The following CLSTN2 variants were observed in gnomAD, a reference collection of about 807,000 sequenced individuals.
CLSTN2 encodes the protein calsyntenin-2.
CLSTN2 carries 48 observed loss-of-function variants against 101.2 expected under a neutral mutation model. The observed-to-expected ratio is 0.47, with a 90% confidence interval of 0.38 to 0.60. CLSTN2 has a LOEUF of 0.60. CLSTN2 is among the 20% of genes least tolerant of loss of function. The pLI, the probability that CLSTN2 is intolerant of heterozygous loss-of-function variation, is 0.00. For synonymous variants in CLSTN2, 481 were observed against 463.6 expected (o/e 1.04, Z -0.48); for missense variants, 1,160 against 1,238.2 (o/e 0.94, Z 0.95).
intron 4 of CLSTN2, among the ~76,000 whole-genome samples, chr3:140,413,199 A>G (rs759662604): frequency 6.6e-6 from 1 of 152,196 alleles, no homozygotes; most frequent in Non-Finnish European, 1.5e-5. Context: ...TCAGAAATGA[A>G]AGAGAAGACA....
chr3:140,525,718 G>C (rs911606114), intron 8 of CLSTN2, among the ~76,000 whole-genome samples: 4 of 152,234 alleles, frequency 2.6e-5, no homozygotes, highest in Non-Finnish European at 5.9e-5. Flanking sequence ...ACATCACAAA[G>C]TTAAGTCGCC....
chr3:140,371,181 A>T (rs1171413013), intron 2 of CLSTN2, among the ~76,000 whole-genome samples: 1 of 152,200 alleles, frequency 6.6e-6, no homozygotes, highest in Non-Finnish European at 1.5e-5. Flanking sequence ...CATGCCTTCC[A>T]GGAGTCCCAG....
At chr3:140,031,869 C>T (rs9854575) in intron 1 of CLSTN2, among the ~76,000 whole-genome samples, 34,047 of 152,128 alleles carry the variant, frequency 0.22, 5,147 homozygotes, top group Non-Finnish European at 0.31. Flanking sequence ...GCTCCAGTGT[C>T]CTTCAGCCAC....
intron 1 of CLSTN2, among the ~76,000 whole-genome samples, chr3:140,173,598 G>C (rs542865150): frequency 2.0e-4 from 31 of 152,330 alleles, no homozygotes; most frequent in African/African-American, 7.5e-4. Flanking sequence ...GGTTCTCCAT[G>C]AGAGCCACTC....
At chr3:140,116,162 T>C (rs2009239542) in intron 1 of CLSTN2, among the ~76,000 whole-genome samples, 1 of 152,178 alleles carries the variant, frequency 6.6e-6, no homozygotes, top group South Asian at 2.1e-4. Context: ...ACCTCCACAG[T>C]TTTTGCCTCA....
At chr3:140,377,229 A>G (rs1287099909) in intron 2 of CLSTN2, among the ~76,000 whole-genome samples, 1 of 152,270 alleles carries the variant, frequency 6.6e-6, no homozygotes, top group Non-Finnish European at 1.5e-5. Context: ...AAACAAACCT[A>G]CTGCACTGCT....
chr3:140,490,066 G>A (rs1384991170), intron 8 of CLSTN2, among the ~76,000 whole-genome samples: 17 of 240 alleles, frequency 0.071, 4 homozygotes, highest in East Asian at 1. Flanking sequence ...GTGTGTGTGT[G>A]TGTGTGTGTG....
At chr3:140,522,311 C>T (rs550767363) in intron 8 of CLSTN2, among the ~76,000 whole-genome samples, 16 of 152,334 alleles carry the variant, frequency 1.1e-4, no homozygotes, top group East Asian at 9.7e-4. Context: ...CAGACCGCAG[C>T]TGCTTTTAAT....
intron 1 of CLSTN2, among the ~76,000 whole-genome samples, chr3:139,946,999 C>T (rs1176814757): frequency 6.6e-6 from 1 of 152,210 alleles, no homozygotes; most frequent in African/African-American, 2.4e-5. Flanking sequence ...GTTCATTTTT[C>T]CAACTCTTTC....
rs148923524 is a variant in CLSTN2, at chr3:139,953,751, T to C, written c.109+18268T>C. ...TCCAGTTTTGCCCACACTGGTAACT[T>C]GCTTCTAGCCTTTACTGGCTTTCTT... On this transcript the variant is annotated intron_variant, in intron 1 of 16. Transcript: ENST00000458420. Among the ~76,000 whole-genome samples, 77 of 152,306 alleles carry C rather than the reference T, an allele frequency of 5.1e-4. 1 individual carries two copies. The East Asian group carries it at 0.012, about 23-fold the overall frequency.
At chr3:139,986,857 G>C (rs1936029771) in intron 1 of CLSTN2, among the ~76,000 whole-genome samples, 1 of 152,216 alleles carries the variant, frequency 6.6e-6, no homozygotes, top group Admixed American at 6.5e-5. Flanking sequence ...ACACTTGGGG[G>C]CTGGCTATGG....
chr3:140,127,812 A>G (rs1021155443), intron 1 of CLSTN2, among the ~76,000 whole-genome samples: 2 of 152,294 alleles, frequency 1.3e-5, no homozygotes, highest in Admixed American at 6.5e-5. Context: ...CTGGGAAAAG[A>G]ATAAGGGCTA....
In CLSTN2 at chr3:140,566,216, C is replaced by T. The variant is rs1452472974; in HGVS notation, c.2831C>T (p.Ala944Val). The change falls in exon 17 of 17, where the codon GCC (alanine) becomes GTC (valine). Residue 944 changes from alanine (A) to valine (V), a missense_variant. Physicochemically the swap from Ala to Val is moderately conservative, Grantham distance 64. Transcript: ENST00000458420. ...GRHGQNGARQ[A>V]QLEWDDSTLP... is the part of the protein sequence containing the mutation. ...CATGGGCAGAATGGAGCCAGGCAAG[C>T]CCAGCTGGAGTGGGATGACTCCACC... The T allele has an allele frequency of 6.3e-7, 1 of 1,591,142 alleles. No homozygotes were observed. Among genetic ancestry groups the T allele is most frequent in the South Asian group, 1.1e-5 (1 of 88,166 alleles).
chr3:140,192,024 G>T (rs1041067423), intron 2 of CLSTN2, among the ~76,000 whole-genome samples: 2 of 151,816 alleles, frequency 1.3e-5, no homozygotes, highest in African/African-American at 4.8e-5. Flanking sequence ...ATTTTGATGT[G>T]TTGTGTTTGT....
rs1985515540 is a variant in CLSTN2 at position 140,570,847 on chromosome 3, G to A, written c.*4594G>A. 1 of 152,194 alleles carries A rather than the reference G, an allele frequency of 6.6e-6. No homozygotes were observed. Among genetic ancestry groups the A allele is most frequent in the Non-Finnish European group, 1.5e-5 (1 of 68,036 alleles). The allele number at this position is 152,194 out of a possible 1,614,324, so 9.4% of individuals were successfully genotyped here. On this transcript the variant is annotated 3_prime_UTR_variant, in exon 17 of 17. Coordinates refer to ENST00000458420, the MANE Select transcript of CLSTN2 (RefSeq NM_022131.3). ...CATGGAAGTTAGCCTTCCACCTCAG[G>A]AGAAAGCAAGCTGCTCTCATAAGCC... is the stretch of plus-strand genomic sequence containing the variant.
At position 140,375,729 on chromosome 3, in the gene CLSTN2, T is replaced by C. The variant is rs945660675; in HGVS notation, c.233-27900T>C. Among the ~76,000 whole-genome samples, 5 of 152,220 alleles carry C rather than the reference T, an allele frequency of 3.3e-5. No homozygotes were observed. In the East Asian group the frequency reaches 9.6e-4, roughly 29 times the overall value. On this transcript the variant is annotated intron_variant, in intron 2 of 16. Transcript: ENST00000458420. ...CTTATTTTTATCTTGCTCATTTTTATTTTAGCCCTGTTATTTGCCTTACAT... is the reference window on the plus strand; with the variant it reads ...CTTATTTTTATCTTGCTCATTTTTACTTTAGCCCTGTTATTTGCCTTACAT...
At chr3:140,022,230 T>G (rs780060474) in intron 1 of CLSTN2, among the ~76,000 whole-genome samples, 1 of 152,092 alleles carries the variant, frequency 6.6e-6, no homozygotes, top group African/African-American at 2.4e-5. Flanking sequence ...TTCCTGTGAC[T>G]CTAGCTGGAG....
chr3:140,271,680 A>T (rs1348019773), intron 2 of CLSTN2, among the ~76,000 whole-genome samples: 2 of 152,168 alleles, frequency 1.3e-5, no homozygotes, highest in African/African-American at 4.8e-5. Context: ...CCACCTTCTA[A>T]TACCATAACC....
intron 9 of CLSTN2, among the ~76,000 whole-genome samples, chr3:140,538,500 G>A (rs1935403482): frequency 6.6e-6 from 1 of 152,224 alleles, no homozygotes; most frequent in Non-Finnish European, 1.5e-5. Context: ...ACCCCTGAGA[G>A]TTGCAGTAAG....
Sources: gnomAD v4.1 joint callset for allele counts (sites outside exome capture counted in the v4.1 genomes callset) on GRCh38, gnomAD v4.1.1 for gene constraint, MANE v1.5 for transcripts, NCBI Gene and HGNC (gene_info 2026-07-23, HGNC 2026-07-21) for gene names.